Variants in RFC3 observed in about 807,000 individuals in gnomAD.
The protein encoded by RFC3 is replication factor C subunit 3.
In RFC3, 41 loss-of-function variants were observed where a neutral mutation model predicts 45.1. The observed-to-expected ratio is 0.91, with a 90% CI of 0.71 to 1.18. The LOEUF is 1.18. Ranked by LOEUF, RFC3 falls within the 50% of genes most tolerant of loss-of-function variation. The pLI is 0.00. For missense variants in RFC3, 423 were observed against 428.1 expected, an observed-to-expected ratio of 0.99 and a Z score of 0.10; for synonymous variants, 149 against 144.0, an observed-to-expected ratio of 1.03 and a Z score of -0.25.
chr13:33,818,896 T>G (rs201574666), intron 1 of RFC3, among the ~76,000 whole-genome samples: 24,758 of 142,608 alleles, frequency 0.17, 3,184 homozygotes, highest in African/African-American at 0.34. Flanking sequence ...TTTTTTTTTT[T>G]TTTTTTTTTT....
chr13:33,818,851 A>G (rs1593599787), intron 1 of RFC3, among the ~76,000 whole-genome samples: 1 of 151,512 alleles, frequency 6.6e-6, no homozygotes, highest in African/African-American at 2.4e-5. Flanking sequence ...TAATTCTCAA[A>G]TAAATTGTAT....
intron 8 of RFC3, among the ~76,000 whole-genome samples, chr13:33,853,577 A>C (rs1056299251): frequency 1.3e-5 from 2 of 152,206 alleles, no homozygotes; most frequent in African/African-American, 4.8e-5. Flanking sequence ...GAAAGTAGGC[A>C]GGATACGCTG....
At chr13:33,907,001 A>T (rs868521784) in intron 8 of RFC3, among the ~76,000 whole-genome samples, 10 of 152,114 alleles carry the variant, frequency 6.6e-5, no homozygotes, top group South Asian at 2.1e-4. Context: ...GCTAATTTTT[A>T]AAAATTTTTT....
At chr13:33,898,726 T>C (rs2082617850) in intron 8 of RFC3, among the ~76,000 whole-genome samples, 1 of 151,720 alleles carries the variant, frequency 6.6e-6, no homozygotes, top group Admixed American at 6.6e-5. Flanking sequence ...AGTTGGTTTT[T>C]TGAACAATGG....
chr13:33,948,012 A>G (rs376696899), intron 8 of RFC3, among the ~76,000 whole-genome samples: 57 of 152,344 alleles, frequency 3.7e-4, no homozygotes, highest in African/African-American at 1.3e-3. Context: ...TTGCTGCAGA[A>G]ATTCGCATAA....
chr13:33,857,911 G>T (rs1039887209), intron 8 of RFC3, among the ~76,000 whole-genome samples: 3 of 152,182 alleles, frequency 2.0e-5, no homozygotes, highest in African/African-American at 7.2e-5. Flanking sequence ...GAGTTTGGAG[G>T]TAGACAGCTT....
chr13:33,941,437 A>C (rs565995460), intron 8 of RFC3, among the ~76,000 whole-genome samples: 1 of 152,230 alleles, frequency 6.6e-6, no homozygotes, highest in Admixed American at 6.5e-5. Context: ...TTATTTTAGG[A>C]AAGTCTGATG....
intron 8 of RFC3, among the ~76,000 whole-genome samples, chr13:33,914,215 T>C (rs2137710445): frequency 6.6e-6 from 1 of 152,102 alleles, no homozygotes; most frequent in East Asian, 1.9e-4. Context: ...TATTGTTGAG[T>C]CAAGTTTTGG....
chr13:33,845,055 G>A (rs1217361540), intron 8 of RFC3, among the ~76,000 whole-genome samples: 1 of 152,150 alleles, frequency 6.6e-6, no homozygotes, highest in Non-Finnish European at 1.5e-5. Context: ...CAGGATATAA[G>A]TCTAGGATAA....
intron 3 of RFC3, 36 bp from the exon 4 acceptor site, chr13:33,825,753 G>A (rs1170918990): frequency 1.7e-6 from 2 of 1,180,410 alleles, no homozygotes; most frequent in Non-Finnish European, 2.4e-6. Context: ...ACAATATTAA[G>A]GGCATACTAT....
chr13:33,919,752 G>C (rs971628800), intron 8 of RFC3, among the ~76,000 whole-genome samples: 2 of 152,108 alleles, frequency 1.3e-5, no homozygotes, highest in African/African-American at 4.8e-5. Flanking sequence ...AGTCATGTCT[G>C]CTTCTTGTTA....
intron 8 of RFC3, among the ~76,000 whole-genome samples, chr13:33,860,915 A>AC: frequency 6.6e-6 from 1 of 150,432 alleles, no homozygotes; most frequent in Admixed American, 6.6e-5. Flanking sequence ...ATATATATAT[A>AC]TTTTTTTACC....
At chr13:33,976,459 A>G in the RFC3 span, among the ~76,000 whole-genome samples, 2 of 152,158 alleles carry the variant, frequency 1.3e-5, no homozygotes, top group African/African-American at 4.8e-5. Context: ...GTTAAGAGGT[A>G]CAAAAATACA....
chr13:33,955,371 A>G (rs2083015799), intron 8 of RFC3, among the ~76,000 whole-genome samples: 1 of 152,184 alleles, frequency 6.6e-6, no homozygotes, highest in Non-Finnish European at 1.5e-5. Context: ...CTACTAGTAC[A>G]AGCTACAAGT....
intron 8 of RFC3, among the ~76,000 whole-genome samples, chr13:33,877,781 G>T (rs1222698016): frequency 6.8e-6 from 1 of 147,590 alleles, no homozygotes; most frequent in Non-Finnish European, 1.5e-5. Context: ...AAAATGAAAA[G>T]GTTTTATTAT....
chr13:33,930,496 C>G (rs953009934), intron 8 of RFC3, among the ~76,000 whole-genome samples: 7 of 152,150 alleles, frequency 4.6e-5, no homozygotes, highest in African/African-American at 1.7e-4. Context: ...CTGCTTTATA[C>G]TAGCCAGGCT....
intron 8 of RFC3, among the ~76,000 whole-genome samples, chr13:33,877,762 A>G (rs2082457981): frequency 6.7e-6 from 1 of 148,410 alleles, no homozygotes. Context: ...AAATTCCGAG[A>G]TTAAAAAGAA....
intron 8 of RFC3, among the ~76,000 whole-genome samples, chr13:33,872,928 G>A (rs1178131107): frequency 2.0e-5 from 3 of 151,644 alleles, no homozygotes; most frequent in Non-Finnish European, 1.5e-5. Flanking sequence ...GGGCTTGTAT[G>A]TTTCCTCTAC....
At chr13:33,968,896 G>A (rs984306270), downstream of RFC3, among the ~76,000 whole-genome samples, 1 of 152,186 alleles carries the variant, frequency 6.6e-6, no homozygotes, top group African/African-American at 2.4e-5. Flanking sequence ...CCGCATGGCA[G>A]CTTGTTCACA....
Sources: allele counts gnomAD v4.1 joint callset (sites outside exome capture counted in the v4.1 genomes callset), GRCh38; gene constraint gnomAD v4.1.1; transcripts MANE v1.5; gene names NCBI Gene and HGNC (gene_info 2026-07-23, HGNC 2026-07-21).